Variants in SERPINB6 observed in about 807,000 individuals in gnomAD.
The protein encoded by SERPINB6 is serpin family B member 6.
Under a neutral mutation model 26.1 loss-of-function variants are expected in SERPINB6, and 16 were observed. The observed-to-expected ratio is 0.61, with a 90% CI of 0.42 to 0.93. The LOEUF is 0.93. Ranked by LOEUF, SERPINB6 falls within the 40% of genes least tolerant of loss-of-function variation. SERPINB6 has a pLI of 0.00. For synonymous variants in SERPINB6, 174 were observed against 176.6 expected (o/e 0.99, Z 0.11); for missense variants, 420 against 478.0 (o/e 0.88, Z 1.13).
intron 1 of SERPINB6, among the ~76,000 whole-genome samples, chr6:2,964,595 T>C (rs968036643): frequency 6.6e-6 from 1 of 152,306 alleles, no homozygotes; most frequent in African/African-American, 2.4e-5. Context: ...ATATAATTTA[T>C]GGAGGGGGTT....
chr6:2,964,862 G>A (rs956946831), intron 1 of SERPINB6, among the ~76,000 whole-genome samples: 1 of 152,116 alleles, frequency 6.6e-6, no homozygotes, highest in African/African-American at 2.4e-5. Context: ...TTAGGGTAGG[G>A]GTCTCACGCT....
chr6:2,970,548 C>A (rs1772045004), intron 1 of SERPINB6: 1 of 1,199,604 alleles, frequency 8.3e-7, no homozygotes, highest in African/African-American at 1.6e-5. Flanking sequence ...GCCTGACCCC[C>A]ACCAGAAAGG....
intron 3 of SERPINB6, chr6:2,955,150 A>T (rs1770287683): frequency 3.4e-6 from 1 of 296,812 alleles, no homozygotes; most frequent in Non-Finnish European, 6.4e-6. Context: ...AGATCAGGCC[A>T]CCACACTCCA....
chr6:2,953,326 C>A, intron 4 of SERPINB6, 140 bp from the exon 5 acceptor site: 1 of 1,151,110 alleles, frequency 8.7e-7, no homozygotes, highest in Non-Finnish European at 1.3e-6. Flanking sequence ...TAAAGGGATA[C>A]GTGTCCTTAA....
At position 2,969,621 on chromosome 6, in the gene SERPINB6, AT is replaced by A. The variant is rs540303740; in HGVS notation, c.-11+1911del. On this transcript the variant is annotated intron_variant, in intron 1 of 6. Coordinates refer to ENST00000380539, the MANE Select transcript of SERPINB6 (RefSeq NM_004568.6). ...ATTTTATTCAACTAATCAAGTCTTA[AT>A]TTTTTTTTAGGTGTCACTATTGAAT... 4.3e-5 allele frequency: 42 copies of A among 981,662 alleles called. No homozygotes were observed. In the Middle Eastern group the frequency reaches 2.6e-3, roughly 61 times the overall value. The allele number at this position is 981,662 out of a possible 1,614,324, so 60.8% of individuals were successfully genotyped here. A position where few individuals can be genotyped will look rare whatever the true frequency, so the allele number is the denominator to read the frequency against.
At chr6:2,958,074 A>T (rs1261112820) in intron 2 of SERPINB6, 3 of 152,244 alleles carry the variant, frequency 2.0e-5, no homozygotes, top group Non-Finnish European at 2.9e-5. Flanking sequence ...TCAGGATGGA[A>T]CTGCATTTGC....
At position 2,967,638 on chromosome 6, in the gene SERPINB6, T is replaced by C. The variant is rs1337006871; in HGVS notation, c.-11+3895A>G. On this transcript the variant is annotated intron_variant, in intron 1 of 6. Coordinates refer to ENST00000380539, the MANE Select transcript of SERPINB6 (RefSeq NM_004568.6). The surrounding 1 kb of genome is among the most constrained non-coding windows in gnomAD (Gnocchi z 4.3). ...TCCATTAAAAAGAAGGCAAAGGACA[T>C]GAACAGACACTTTTCAAAAGAAGAC... 6.6e-6 allele frequency: 1 copy of C among 152,060 alleles called. No individual in the cohort carries two copies. Among genetic ancestry groups the C allele is most frequent in the Non-Finnish European group, 1.5e-5 (1 of 68,026 alleles). 9.4% of individuals were successfully genotyped at this position (152,060 alleles called of 1,614,324 possible). A position where few individuals can be genotyped will look rare whatever the true frequency, so the allele number is the denominator to read the frequency against.
chr6:2,958,530 A>T (rs543721661), intron 2 of SERPINB6, among the ~76,000 whole-genome samples: 1 of 152,248 alleles, frequency 6.6e-6, no homozygotes, highest in South Asian at 2.1e-4. Flanking sequence ...AGGCCTACGG[A>T]AGCCCAGGCA....
chr6:2,962,143 A>G, intron 1 of SERPINB6: 4 of 985,472 alleles, frequency 4.1e-6, no homozygotes, highest in Non-Finnish European at 4.8e-6. Context: ...CAGTAACTTC[A>G]ACAAAGCAAA....
At chr6:2,968,702 C>G in intron 1 of SERPINB6, 1 of 1,230,932 alleles carries the variant, frequency 8.1e-7, no homozygotes. Context: ...CTAGACTTTC[C>G]AAACATTCCT....
At chr6:2,969,167 C>A (rs1169850789) in intron 1 of SERPINB6, 3 of 994,386 alleles carry the variant, frequency 3.0e-6, no homozygotes, top group Non-Finnish European at 3.6e-6. Context: ...CAAATATCAA[C>A]AAATTATAAA....
At chr6:2,949,335 C>T (rs1448668312) in intron 5 of SERPINB6, among the ~76,000 whole-genome samples, 1 of 152,266 alleles carries the variant, frequency 6.6e-6, no homozygotes, top group Non-Finnish European at 1.5e-5. Flanking sequence ...ACCAAATTTA[C>T]CTCCCGCCTG....
chr6:2,949,244 T>C (rs1769499107), intron 5 of SERPINB6, among the ~76,000 whole-genome samples, 175 bp from the exon 6 acceptor site: 1 of 152,186 alleles, frequency 6.6e-6, no homozygotes, highest in Admixed American at 6.5e-5. Context: ...CTCCAGAAAC[T>C]GGGGTGCCCA....
At chr6:2,950,297 C>T (rs1769631634) in intron 5 of SERPINB6, among the ~76,000 whole-genome samples, 1 of 152,114 alleles carries the variant, frequency 6.6e-6, no homozygotes, top group Non-Finnish European at 1.5e-5. Context: ...TTTTGGGAGG[C>T]TGAGGCAGAC....
chr6:2,968,949 G>A (rs1771884700), intron 1 of SERPINB6: 1 of 1,222,720 alleles, frequency 8.2e-7, no homozygotes, highest in East Asian at 3.2e-5. Context: ...ATGGGGGTCG[G>A]GGGGCTTCTA....
At chr6:2,953,283 G>A (rs1400496094) in intron 4 of SERPINB6, 97 bp from the exon 5 acceptor site, 1 of 1,520,234 alleles carries the variant, frequency 6.6e-7, no homozygotes, top group Non-Finnish European at 9.1e-7. Context: ...GCAGTCAAGT[G>A]CACGGATAGA....
chr6:2,968,928 G>T, intron 1 of SERPINB6: 3 of 1,224,796 alleles, frequency 2.4e-6, no homozygotes, highest in South Asian at 4.3e-5. Context: ...AAGGAGATGG[G>T]GTGGAAGCAG....
intron 1 of SERPINB6, 23 bp from the exon 2 acceptor site, chr6:2,959,365 T>C (rs1232073605): frequency 6.2e-7 from 1 of 1,611,780 alleles, no homozygotes; most frequent in Non-Finnish European, 8.5e-7. Flanking sequence ...TTAAAATCAG[T>C]ATCACTTAAG....
chr6:2,959,359 A>T lies in SERPINB6; in HGVS notation c.-10-17T>A. 1.9e-6 allele frequency: 3 copies of T among 1,612,568 alleles called. No individual in the cohort carries two copies. In the South Asian group the frequency reaches 3.3e-5, roughly 18 times the overall value. On this transcript the variant is annotated splice_polypyrimidine_tract_variant and intron_variant, in intron 1 of 6. Transcript: ENST00000380539. ...ATGGCAGACCTGGAACAAGATTTAA[A>T]ATCAGTATCACTTAAGCACAGCTTC...
Sources: gnomAD v4.1 joint callset for allele counts (sites outside exome capture counted in the v4.1 genomes callset) on GRCh38, gnomAD v4.1.1 for gene constraint, Gnocchi (gnomAD v3.1) non-coding constraint, MANE v1.5 for transcripts, NCBI Gene and HGNC (gene_info 2026-07-23, HGNC 2026-07-21) for gene names.